The following SZT2 variants were observed in gnomAD, a reference collection of about 807,000 sequenced individuals.
The protein encoded by SZT2 is SZT2 subunit of KICSTOR complex, also known as KICSTOR complex protein SZT2.
Under a neutral mutation model 404.2 loss-of-function variants are expected in SZT2, and 216 were observed. The observed-to-expected ratio is 0.53, with a 90% CI of 0.48 to 0.60. SZT2 has a LOEUF of 0.60. SZT2 is among the 20% of genes least tolerant of loss of function. The pLI is 0.00. For synonymous variants in SZT2, 1,693 were observed against 1,749.9 expected, an observed-to-expected ratio of 0.97 and a Z score of 0.81; for missense variants, 3,857 against 4,459.2, an observed-to-expected ratio of 0.86 and a Z score of 3.85.
chr1:43,439,805 T>C lies in SZT2; in HGVS notation c.7042+36T>C. The C allele has an allele frequency of 3.8e-6, 6 of 1,565,198 alleles. No homozygotes were observed. The highest frequency in any genetic ancestry group is 5.2e-6 in the Non-Finnish European group (6 of 1,153,614). ...TTGGTCAGAGGATGAGGTGTTCAGT[T>C]ATTGCTGTGGGAGGTAAGGGTGGTG... On this transcript the variant is annotated intron_variant, in intron 50 of 71. Coordinates refer to ENST00000634258, the MANE Select transcript of SZT2 (RefSeq NM_001365999.1). The surrounding 1 kb of genome is among the most constrained non-coding windows in gnomAD (Gnocchi z 4.2).
rs573057701 is a variant in SZT2 at position 43,439,150 on chromosome 1, G to A, written c.6792+57G>A. On this transcript the variant is annotated intron_variant, in intron 48 of 71. Coordinates refer to ENST00000634258, the MANE Select transcript of SZT2 (RefSeq NM_001365999.1). The surrounding 1 kb of genome is among the most constrained non-coding windows in gnomAD (Gnocchi z 4.2). Reference sequence around the variant, plus strand: ...TGTGCACCCCTGCCCCCTGCCCCACGCACTTACTCTTTCCTACCGATACCC... The same window carrying A: ...TGTGCACCCCTGCCCCCTGCCCCACACACTTACTCTTTCCTACCGATACCC... 41 of 1,606,538 alleles carry A rather than the reference G, an allele frequency of 2.6e-5. 1 individual carries two copies. The highest frequency in any genetic ancestry group is 2.1e-4 in the South Asian group (19 of 90,522).
At chr1:43,391,814 GCTCACGCC>G (rs1648367443) in intron 1 of SZT2, among the ~76,000 whole-genome samples, 1 of 19,192 alleles carries the variant, frequency 5.2e-5, no homozygotes, top group Non-Finnish European at 1.2e-4. Flanking sequence ...GGGCGCGGTG[GCTCACGCC>G]TGTAATCCCA....
chr1:43,403,924 A>T (rs1170679604), intron 3 of SZT2, 150 bp downstream of exon 3: 4 of 877,528 alleles, frequency 4.6e-6, no homozygotes, highest in Non-Finnish European at 3.5e-6. Flanking sequence ...TAAAAAGAGC[A>T]CTGGGCCAGC....
rs1654959054 is a variant in SZT2 at position 43,440,570 on chromosome 1, G to A, written c.7328G>A (p.Ser2443Asn). ...VTPPSKAGRR[S>N]FWDMLSKTEC... ...CCACCCAGCAAAGCGGGCCGGCGTA[G>A]CTTCTGGGATATGCTGGTAATGGAA... The change falls in exon 52 of 72, where the codon AGC (serine) becomes AAC (asparagine). Residue 2443 changes from serine to asparagine, a missense_variant. Physicochemically the swap from Ser to Asn is conservative, Grantham distance 46. Coordinates refer to ENST00000634258, the MANE Select transcript of SZT2 (RefSeq NM_001365999.1). 6.3e-7 allele frequency: 1 copy of A among 1,599,212 alleles called. No homozygotes were observed. The highest frequency in any genetic ancestry group is 8.5e-7 in the Non-Finnish European group (1 of 1,173,590).
chr1:43,451,150 T>C lies in SZT2; in HGVS notation c.*670T>C, dbSNP rs1557612305. On this transcript the variant is annotated 3_prime_UTR_variant, in exon 72 of 72. Coordinates refer to ENST00000634258, the MANE Select transcript of SZT2 (RefSeq NM_001365999.1). ...CCCACCACCCCATTACAGAGACATA[T>C]GACAATGTTCAGCAGGTCATCTTTA... 1 of 1,232,016 alleles carries C rather than the reference T, an allele frequency of 8.1e-7. No homozygotes were observed. The highest frequency in any genetic ancestry group is 1.2e-6 in the Non-Finnish European group (1 of 832,964). The allele number at this position is 1,232,016 out of a possible 1,614,324, so 76.3% of individuals were successfully genotyped here.
rs567018180 is a variant in SZT2 at position 43,451,597 on chromosome 1, G to T, written c.*1117G>T. ...GTCCAGGCTCCTGCCAGGGCCTGAA[G>T]GACAGATGTGGGGATTGAAAGGGTG... On this transcript the variant is annotated 3_prime_UTR_variant, in exon 72 of 72. Coordinates refer to ENST00000634258, the MANE Select transcript of SZT2 (RefSeq NM_001365999.1). The T allele has an allele frequency of 2.8e-4, 454 of 1,613,850 alleles. 8 individuals are homozygous for T. The South Asian group carries it at 4.7e-3, about 17-fold the overall frequency.
chr1:43,453,800 G>A lies in SZT2; in HGVS notation c.*3320G>A. On this transcript the variant is annotated 3_prime_UTR_variant, in exon 72 of 72. Coordinates refer to ENST00000634258, the MANE Select transcript of SZT2 (RefSeq NM_001365999.1). ...AGAAGCGCAGCGGCGCCATGCCTGG[G>A]GAGGCCGGGCCGGGCGGAGTCCGCG... The A allele has an allele frequency of 7.9e-7, 1 of 1,264,918 alleles. No individual in the cohort carries two copies. The highest frequency in any genetic ancestry group is 9.9e-7 in the Non-Finnish European group (1 of 1,008,044). 78.4% of individuals were successfully genotyped at this position (1,264,918 alleles called of 1,614,324 possible).
chr1:43,429,921 G>T, intron 29 of SZT2, 77 bp downstream of exon 29: 2 of 1,612,238 alleles, frequency 1.2e-6, no homozygotes, highest in South Asian at 2.2e-5. Context: ...TCCTGGGCGG[G>T]GGGTATGCAT....
Position 43,454,118 on chromosome 1 carries a change from G to C in SZT2, c.*3638G>C, listed in dbSNP as rs1285064439. 8.4e-6 allele frequency: 8 copies of C among 952,076 alleles called. No homozygotes were observed. In the African/African-American group the frequency reaches 1.4e-4, roughly 17 times the overall value. The allele number at this position is 952,076 out of a possible 1,614,324, so 59.0% of individuals were successfully genotyped here. The stretch of plus-strand genomic sequence containing the variant: ...AAGCAAGAGAGAGCTGGCTGCCCGA[G>C]GGCCCGGTTGCAATGATGGGACGCG... On this transcript the variant is annotated 3_prime_UTR_variant, in exon 72 of 72. Coordinates refer to ENST00000634258, the MANE Select transcript of SZT2 (RefSeq NM_001365999.1).
At position 43,442,062 on chromosome 1, in the gene SZT2, C is replaced by T; in HGVS notation, c.7805C>T (p.Pro2602Leu). The T allele has an allele frequency of 1.2e-6, 2 of 1,614,150 alleles. No homozygotes were observed. Among genetic ancestry groups the T allele is most frequent in the Non-Finnish European group, 1.7e-6 (2 of 1,180,020 alleles). Reference protein sequence around the residue: ...SPGQLGPSPRPAAERHLLLLG... With the variant: ...SPGQLGPSPRLAAERHLLLLG... ...GGGCAACTGGGCCCCTCTCCCCGCC[C>T]TGCAGCTGAGCGGCATCTGCTGCTT... The change falls in exon 56 of 72, where the codon CCT becomes CTT. Residue 2602 changes from proline to leucine, a missense_variant. Transcript: ENST00000634258. This position sits in a 1 kb window ranked among gnomAD's most constrained non-coding sequence, Gnocchi z 4.5.
Position 43,427,541 on chromosome 1 carries a change from A to C in SZT2, c.3610A>C (p.Asn1204His), listed in dbSNP as rs2153933391. Reference sequence around the variant, plus strand: ...CCTTTTCTTCACAGACAATGCCCAGAATCAAGGAGAGCTAAGTCCACCATT... The same window carrying C: ...CCTTTTCTTCACAGACAATGCCCAGCATCAAGGAGAGCTAAGTCCACCATT... ...SVTLASDNAQ[N>H]QGELSPPFRR... The change falls in exon 26 of 72, where the codon AAT (asparagine) becomes CAT (histidine). Residue 1204 changes from asparagine (N) to histidine (H), a missense_variant. Coordinates refer to ENST00000634258, the MANE Select transcript of SZT2 (RefSeq NM_001365999.1). 1.2e-6 allele frequency: 2 copies of C among 1,614,210 alleles called. No homozygotes were observed. Among genetic ancestry groups the C allele is most frequent in the East Asian group, 4.5e-5 (2 of 44,884 alleles).
Position 43,448,888 on chromosome 1 carries a change from C to G in SZT2, c.10086+160C>G, listed in dbSNP as rs754603857. 1.5e-5 allele frequency: 10 copies of G among 681,376 alleles called. No individual in the cohort carries two copies. The highest frequency in any genetic ancestry group is 4.1e-4 in the Middle Eastern group (1 of 2,452). The allele number at this position is 681,376 out of a possible 1,614,324, so 42.2% of individuals were successfully genotyped here. A position where few individuals can be genotyped will look rare whatever the true frequency, so the allele number is the denominator to read the frequency against. ...GTAAAACCCTTCCAGTACCGGGCAT[C>G]GAGCTACAGCATGTGATTCTCTGAG... On this transcript the variant is annotated intron_variant, in intron 70 of 71. Coordinates refer to ENST00000634258, the MANE Select transcript of SZT2 (RefSeq NM_001365999.1). This position sits in a 1 kb window ranked among gnomAD's most constrained non-coding sequence, Gnocchi z 4.2.
rs758577342 is a variant in SZT2 at position 43,447,070 on chromosome 1, T to A, written c.9188T>A (p.Leu3063Gln). The part of the protein sequence containing the change: ...LVHQHVLGAH[L>Q]VLRHGYHLTT... Reference sequence around the variant, plus strand: ...CATCAGCACGTGCTAGGTGCCCATCTGGTGCTGCGGCACGGCTACCACCTC... The same window carrying A: ...CATCAGCACGTGCTAGGTGCCCATCAGGTGCTGCGGCACGGCTACCACCTC... The change falls in exon 66 of 72, where the codon CTG (leucine) becomes CAG (glutamine). Residue 3063 changes from leucine to glutamine, a missense_variant. Physicochemically the swap from Leu to Gln is moderately radical, Grantham distance 113. This residue lies in a region of SZT2 where 717 missense variants were observed against 868.2 expected (regional missense o/e 0.83). Transcript: ENST00000634258. 3.7e-6 allele frequency: 6 copies of A among 1,613,864 alleles called. No homozygotes were observed. The African/African-American group carries it at 8.0e-5, about 22-fold the overall frequency.
At chr1:43,444,851 A>G (rs866326295) in intron 62 of SZT2, among the ~76,000 whole-genome samples, 3 of 152,156 alleles carry the variant, frequency 2.0e-5, no homozygotes, top group Admixed American at 6.5e-5. Flanking sequence ...TGAGTTTATC[A>G]AGGCATGTTC....
chr1:43,390,224 T>C (rs1648119088), intron 1 of SZT2, among the ~76,000 whole-genome samples: 1 of 152,240 alleles, frequency 6.6e-6, no homozygotes, highest in Non-Finnish European at 1.5e-5. Flanking sequence ...CTTTGTTTTG[T>C]TTACTGACAT....
rs1570718461 is a variant in SZT2, at chr1:43,442,585, T to C, written c.8118T>C (p.Tyr2706=). ...AGAAGCTTGGCCTCTTCCATCATTA[T>C]GGCCAGTTGGACTTCCCCGTGCGAG... ...LSQKLGLFHH[Y]GQLDFPVRDE... Residue 2706 remains tyrosine, a synonymous_variant, in exon 58 of 72, where the codon TAT becomes TAC. Transcript: ENST00000634258. This position sits in a 1 kb window ranked among gnomAD's most constrained non-coding sequence, Gnocchi z 4.5. 6.2e-7 allele frequency: 1 copy of C among 1,611,558 alleles called. No individual in the cohort carries two copies. Among genetic ancestry groups the C allele is most frequent in the Non-Finnish European group, 8.5e-7 (1 of 1,178,220 alleles).
Position 43,453,390 on chromosome 1 carries a change from G to C in SZT2, c.*2910G>C, listed in dbSNP as rs1656657963. The C allele has an allele frequency of 6.4e-7, 1 of 1,551,082 alleles. No individual in the cohort carries two copies. The highest frequency in any genetic ancestry group is 8.7e-7 in the Non-Finnish European group (1 of 1,146,194). ...GGGTGGGGTGGAGCGGGGTACCTGG[G>C]ACAGCCCAGGGCTTTGGCATACCGC... On this transcript the variant is annotated 3_prime_UTR_variant, in exon 72 of 72. Transcript: ENST00000634258.
At position 43,389,947 on chromosome 1, in the gene SZT2, G is replaced by T. The variant is rs546639047; in HGVS notation, c.-22G>T. 6.1e-6 allele frequency: 9 copies of T among 1,464,264 alleles called. No individual in the cohort carries two copies. The highest frequency in any genetic ancestry group is 5.7e-5 in the African/African-American group (4 of 69,680). The allele number at this position is 1,464,264 out of a possible 1,614,324, so 90.7% of individuals were successfully genotyped here. On this transcript the variant is annotated 5_prime_UTR_variant, in exon 1 of 72. Coordinates refer to ENST00000634258, the MANE Select transcript of SZT2 (RefSeq NM_001365999.1). ...GAGTGGAACACCCTCACTGGCCCGG[G>T]CCGGCGCGGGAGGGCTGTGTGATGG...
chr1:43,416,839 G>A (rs1273690274), intron 7 of SZT2, among the ~76,000 whole-genome samples, 198 bp downstream of exon 7: 1 of 152,114 alleles, frequency 6.6e-6, no homozygotes, highest in East Asian at 1.9e-4. Context: ...TTAGGATTTT[G>A]GAAATAGCTG....
Sources: allele counts gnomAD v4.1 joint callset (sites outside exome capture counted in the v4.1 genomes callset), GRCh38; gene constraint gnomAD v4.1.1; regional missense constraint gnomAD v4.1.1; non-coding constraint Gnocchi (gnomAD v3.1); transcripts MANE v1.5; gene names NCBI Gene and HGNC (gene_info 2026-07-23, HGNC 2026-07-21).